Variants in DCT observed in about 807,000 individuals in gnomAD.
DCT encodes L-dopachrome tautomerase.
DCT carries 47 observed loss-of-function variants against 53.0 expected under a neutral mutation model. That is an observed-to-expected ratio of 0.89 (90% confidence interval 0.70 to 1.13). The LOEUF is 1.13. Ranked by LOEUF, DCT falls within the 50% of genes most tolerant of loss-of-function variation. The pLI is 0.00. For synonymous variants in DCT, 244 were observed against 237.0 expected (o/e 1.03, Z -0.27); for missense variants, 669 against 637.4 (o/e 1.05, Z -0.53).
chr13:94,523,108 C>T, the DCT span, among the ~76,000 whole-genome samples: 1 of 152,204 alleles, frequency 6.6e-6, no homozygotes, highest in Non-Finnish European at 1.5e-5. Context: ...GCAGTTTCTA[C>T]TGGGGATGAC....
rs936976168 is a variant in DCT, at chr13:94,444,517, A to C, written c.1180-880T>G. 2.4e-5 allele frequency: 9 copies of C among 376,472 alleles called. No individual in the cohort carries two copies. In the Admixed American group the frequency reaches 2.4e-4, roughly 10 times the overall value. 23.3% of individuals were successfully genotyped at this position (376,472 alleles called of 1,614,324 possible). On this transcript the variant is annotated intron_variant, in intron 6 of 7. Transcript: ENST00000377028. ...GTCCTTTTAAAATATAGCAATTACT[A>C]TATGTTTTGAAATATTAACAGCAAA...
At chr13:94,481,501 G>A (rs1308264448), upstream of DCT, among the ~76,000 whole-genome samples, 2 of 152,094 alleles carry the variant, frequency 1.3e-5, no homozygotes, top group Admixed American at 1.3e-4. Flanking sequence ...GAAGCCTTGG[G>A]GCTCCATAAA....
chr13:94,500,645 A>T, the DCT span, among the ~76,000 whole-genome samples: 1 of 151,482 alleles, frequency 6.6e-6, no homozygotes, highest in Non-Finnish European at 1.5e-5. Context: ...AATGTCATCC[A>T]GAGTCATCCA....
the DCT span, among the ~76,000 whole-genome samples, chr13:94,520,738 T>C: frequency 2.6e-3 from 395 of 152,314 alleles, 1 homozygote; most frequent in Non-Finnish European, 4.2e-3. Context: ...AACTCACACC[T>C]TCCTGGCATC....
At position 94,438,473 on chromosome 13, in the gene DCT, C is replaced by A. The variant is rs1017916974; in HGVS notation, c.*1425G>T. On this transcript the variant is annotated 3_prime_UTR_variant, in exon 8 of 8. Transcript: ENST00000377028. ...GTAAACTGGTTCTTGATGAGTCTTG[C>A]ACCCTCTAGGACCCCTTATGTTGAA... 5.2e-6 allele frequency: 2 copies of A among 385,118 alleles called. No individual in the cohort carries two copies. The highest frequency in any genetic ancestry group is 2.1e-5 in the African/African-American group (1 of 47,504). 23.9% of individuals were successfully genotyped at this position (385,118 alleles called of 1,614,324 possible).
the DCT span, among the ~76,000 whole-genome samples, chr13:94,518,957 T>C: frequency 6.6e-6 from 1 of 152,142 alleles, no homozygotes; most frequent in African/African-American, 2.4e-5. Flanking sequence ...CACCAAGTTC[T>C]TTCCAGCCCC....
At chr13:94,451,391 A>C (rs1448828165) in intron 6 of DCT, among the ~76,000 whole-genome samples, 1 of 152,224 alleles carries the variant, frequency 6.6e-6, no homozygotes, top group Admixed American at 6.5e-5. Context: ...TGCAATTGTG[A>C]AGAGACTGAG....
At chr13:94,488,438 G>GTTGTGA in the DCT span, among the ~76,000 whole-genome samples, 1 of 152,160 alleles carries the variant, frequency 6.6e-6, no homozygotes, top group South Asian at 2.1e-4. Flanking sequence ...TTGTCTGCCA[G>GTTGTGA]GCACGGTGGC....
chr13:94,438,647 T>C lies in DCT; in HGVS notation c.*1251A>G. The C allele has an allele frequency of 2.2e-6, 1 of 455,994 alleles. No individual in the cohort carries two copies. The highest frequency in any genetic ancestry group is 1.5e-5 in the South Asian group (1 of 64,552). 28.2% of individuals were successfully genotyped at this position (455,994 alleles called of 1,614,324 possible). A position where few individuals can be genotyped will look rare whatever the true frequency, so the allele number is the denominator to read the frequency against. On this transcript the variant is annotated 3_prime_UTR_variant, in exon 8 of 8. Coordinates refer to ENST00000377028, the MANE Select transcript of DCT (RefSeq NM_001922.5). Reference sequence around the variant, plus strand: ...TGAGCAGATGAAATTTGCCTGGAAATCTCAAGAGCCATTAACTTCTCTGAA... The same window carrying C: ...TGAGCAGATGAAATTTGCCTGGAAACCTCAAGAGCCATTAACTTCTCTGAA...
At chr13:94,502,030 C>CTGT in the DCT span, among the ~76,000 whole-genome samples, 233 of 93,212 alleles carry the variant, frequency 2.5e-3, no homozygotes, top group South Asian at 4.0e-3. Flanking sequence ...ATAGCCCCAG[C>CTGT]CCCCACTTCT....
chr13:94,513,265 C>A, the DCT span, among the ~76,000 whole-genome samples: 1 of 152,192 alleles, frequency 6.6e-6, no homozygotes, highest in African/African-American at 2.4e-5. Context: ...AGGCTGCTTT[C>A]CAGATTGCAT....
chr13:94,483,443 CT>C (rs34530396), upstream of DCT, among the ~76,000 whole-genome samples: 29,904 of 146,048 alleles, frequency 0.2, 3,492 homozygotes, highest in Non-Finnish European at 0.28. Context: ...GCGTTTCTCC[CT>C]TTTTTTTTTT....
chr13:94,444,914 G>A (rs1882620458), intron 6 of DCT, among the ~76,000 whole-genome samples: 1 of 152,200 alleles, frequency 6.6e-6, no homozygotes. Context: ...CACCTTTGAA[G>A]TCTCAGGTTT....
chr13:94,501,356 A>G, the DCT span, among the ~76,000 whole-genome samples: 5 of 152,206 alleles, frequency 3.3e-5, no homozygotes, highest in Non-Finnish European at 5.9e-5. Context: ...ATTGTTTATA[A>G]AAAGTGGATG....
At chr13:94,549,211 T>C in the DCT span, among the ~76,000 whole-genome samples, 1 of 152,366 alleles carries the variant, frequency 6.6e-6, no homozygotes, top group South Asian at 2.1e-4. Context: ...TCAACAGTTT[T>C]GCTTTTTCTT....
At chr13:94,523,861 C>T in the DCT span, among the ~76,000 whole-genome samples, 1 of 152,018 alleles carries the variant, frequency 6.6e-6, no homozygotes, top group African/African-American at 2.4e-5. Flanking sequence ...ACCTAAAATT[C>T]TGAGGACTCC....
At position 94,465,749 on chromosome 13, in the gene DCT, A is replaced by G. The variant is rs943910567; in HGVS notation, c.747T>C (p.Thr249=). The G allele has an allele frequency of 1.2e-6, 2 of 1,612,810 alleles. No individual in the cohort carries two copies. The highest frequency in any genetic ancestry group is 2.7e-5 in the African/African-American group (2 of 74,808). The change falls in exon 4 of 8, where the codon ACT becomes ACC. Residue 249 remains threonine, a synonymous_variant. Transcript: ENST00000377028. ...TACACACATCACACTCGTTCCTCCC[A>G]GTGGCAAAGTTCCAGTAGGGCAAAG... The part of the protein sequence containing the change: ...SFALPYWNFA[T]GRNECDVCTD...
chr13:94,478,853 T>C, intron 1 of DCT, 108 bp downstream of exon 1: 1 of 1,182,116 alleles, frequency 8.5e-7, no homozygotes, highest in Non-Finnish European at 1.2e-6. Context: ...TTGGTTTGCC[T>C]TTCAAAGCCT....
At chr13:94,537,443 C>T in the DCT span, among the ~76,000 whole-genome samples, 1 of 152,164 alleles carries the variant, frequency 6.6e-6, no homozygotes, top group Non-Finnish European at 1.5e-5. Flanking sequence ...CCTAAATTAA[C>T]CCAAGTTAGT....
Sources: allele counts gnomAD v4.1 joint callset (sites outside exome capture counted in the v4.1 genomes callset), GRCh38; gene constraint gnomAD v4.1.1; transcripts MANE v1.5; gene names NCBI Gene and HGNC (gene_info 2026-07-23, HGNC 2026-07-21).